Variants in BPTF observed in about 807,000 individuals in gnomAD.
BPTF encodes the protein nucleosome-remodeling factor subunit BPTF.
BPTF carries 18 observed loss-of-function variants against 292.5 expected under a neutral mutation model. The ratio of observed to expected loss-of-function variants is 0.06; its 90% CI spans 0.04 to 0.09. BPTF has a LOEUF of 0.09. BPTF is among the 10% of genes least tolerant of loss of function. BPTF has a pLI of 1.00. For missense variants in BPTF, 2,726 were observed against 3,498.7 expected (o/e 0.78, Z 5.57); for synonymous variants, 1,225 against 1,251.9 (o/e 0.98, Z 0.45).
intron 24 of BPTF, among the ~76,000 whole-genome samples, chr17:67,962,367 TAC>T (rs2067597039): frequency 1.3e-5 from 2 of 152,230 alleles, no homozygotes; most frequent in African/African-American, 4.8e-5. Flanking sequence ...ATGGTGTTCC[TAC>T]ACAGTGCCTA....
chr17:67,875,439 G>A (rs769753272), intron 4 of BPTF: 37 of 635,370 alleles, frequency 5.8e-5, no homozygotes, highest in Non-Finnish European at 8.7e-5. Flanking sequence ...GCTTTAAAAT[G>A]GCCGTTCAAT....
Position 67,854,003 on chromosome 17 carries a change from C to T in BPTF, c.677C>T (p.Pro226Leu), listed in dbSNP as rs1350299562. ...SPILEEKDIP[P>L]LEFPKSSEDL... Reference sequence around the variant, plus strand: ...ATATTGGAAGAAAAAGACATCCCGCCCCTTGAATTTCCCAAGTCCTCTGAG... The same window carrying T: ...ATATTGGAAGAAAAAGACATCCCGCTCCTTGAATTTCCCAAGTCCTCTGAG... Residue 226 changes from proline (P) to leucine (L), a missense_variant, in exon 2 of 28, where the codon CCC becomes CTC. By Grantham distance (98) the Pro-to-Leu change is moderately conservative. Transcript: ENST00000306378. This position sits in a 1 kb window ranked among gnomAD's most constrained non-coding sequence, Gnocchi z 5.6. 6 of 1,614,126 alleles carry T rather than the reference C, an allele frequency of 3.7e-6. No homozygotes were observed. Among genetic ancestry groups the T allele is most frequent in the South Asian group, 1.1e-5 (1 of 91,082 alleles).
intron 18 of BPTF, among the ~76,000 whole-genome samples, chr17:67,937,316 G>GC (rs1598778081): frequency 6.6e-6 from 1 of 151,624 alleles, no homozygotes; most frequent in African/African-American, 2.4e-5. Context: ...AATTAGCTGG[G>GC]CATCATGGTT....
intron 27 of BPTF, among the ~76,000 whole-genome samples, chr17:67,977,440 G>C (rs1222403768): frequency 2.0e-5 from 3 of 151,974 alleles, no homozygotes; most frequent in Non-Finnish European, 4.4e-5. Flanking sequence ...GCTTGAACCC[G>C]GGAGGCACAG....
chr17:67,905,526 G>A (rs2146698885), intron 9 of BPTF, among the ~76,000 whole-genome samples: 1 of 151,910 alleles, frequency 6.6e-6, no homozygotes, highest in Non-Finnish European at 1.5e-5. Flanking sequence ...GGGCAACATA[G>A]CAAGACCCCA....
chr17:67,915,082 T>A (rs1432199497), intron 11 of BPTF, among the ~76,000 whole-genome samples: 1 of 152,126 alleles, frequency 6.6e-6, no homozygotes, highest in Non-Finnish European at 1.5e-5. Flanking sequence ...ATAGAATACA[T>A]CTGATGGTTA....
At chr17:67,954,267 A>C (rs1555679940) in intron 23 of BPTF, among the ~76,000 whole-genome samples, 1 of 151,996 alleles carries the variant, frequency 6.6e-6, no homozygotes, top group Non-Finnish European at 1.5e-5. Flanking sequence ...GGGCTCAAGC[A>C]AGTGATCCTC....
At chr17:67,872,300 A>G (rs553676254) in intron 3 of BPTF, among the ~76,000 whole-genome samples, 40 of 152,306 alleles carry the variant, frequency 2.6e-4, no homozygotes, top group Non-Finnish European at 4.7e-4. Context: ...AACCAATTTA[A>G]ATGGTCTAAA....
chr17:67,839,140 GA>G (rs903832593), intron 1 of BPTF, among the ~76,000 whole-genome samples: 13 of 149,884 alleles, frequency 8.7e-5, no homozygotes, highest in South Asian at 6.3e-4. Flanking sequence ...AAAAAAAAAA[GA>G]AAAAAAAGAA....
At chr17:67,908,733 C>T (rs983907737) in intron 9 of BPTF, among the ~76,000 whole-genome samples, 57 of 149,230 alleles carry the variant, frequency 3.8e-4, no homozygotes, top group African/African-American at 1.1e-3. Flanking sequence ...TCAAGTGATC[C>T]GCCCACCTTG....
chr17:67,864,930 G>A (rs1459044248), intron 2 of BPTF, among the ~76,000 whole-genome samples: 3 of 151,940 alleles, frequency 2.0e-5, no homozygotes, highest in African/African-American at 7.3e-5. Flanking sequence ...TCAGGCTCCC[G>A]GGTAGCTGAG....
At chr17:67,905,767 C>G (rs2062143456) in intron 9 of BPTF, among the ~76,000 whole-genome samples, 1 of 151,956 alleles carries the variant, frequency 6.6e-6, no homozygotes, top group African/African-American at 2.4e-5. Context: ...ATCTAGTAAC[C>G]TTAGCATTGT....
In BPTF at chr17:67,935,703, A is replaced by G. The variant is rs141726964; in HGVS notation, c.6259+3684A>G. Among the ~76,000 whole-genome samples, 157 of 152,282 alleles carry G rather than the reference A, an allele frequency of 1.0e-3. 1 individual carries two copies. Among genetic ancestry groups the G allele is most frequent in the African/African-American group, 3.6e-3 (149 of 41,548 alleles). On this transcript the variant is annotated intron_variant, in intron 18 of 27. Transcript: ENST00000306378. ...AAACCCTGTCTCTACTAAAAATGCAAAAATTAACTGGGAATGTTGACAGAT... is the reference window on the plus strand; with the variant it reads ...AAACCCTGTCTCTACTAAAAATGCAGAAATTAACTGGGAATGTTGACAGAT...
intron 1 of BPTF, among the ~76,000 whole-genome samples, chr17:67,836,345 A>G (rs567452609): frequency 6.6e-6 from 1 of 152,328 alleles, no homozygotes; most frequent in Non-Finnish European, 1.5e-5. Flanking sequence ...TATATATTTT[A>G]CTAGAAATAT....
At chr17:67,869,758 C>T (rs1195786190) in intron 3 of BPTF, among the ~76,000 whole-genome samples, 10 of 145,018 alleles carry the variant, frequency 6.9e-5, no homozygotes, top group South Asian at 2.2e-4. Context: ...CTGAGGCGGG[C>T]GGATCACGAG....
At chr17:67,951,024 G>A (rs542791525) in intron 23 of BPTF, 1 of 152,020 alleles carries the variant, frequency 6.6e-6, no homozygotes, top group African/African-American at 2.4e-5. Flanking sequence ...TGTCAGGCTG[G>A]TCTCGAACTC....
At chr17:67,893,779 A>T in intron 6 of BPTF, 54 bp downstream of exon 6, 1 of 1,365,382 alleles carries the variant, frequency 7.3e-7, no homozygotes, top group Admixed American at 2.2e-5. Flanking sequence ...TGTTTATAAA[A>T]TGATTGTTGT....
chr17:67,927,973 G>T (rs1447068428), intron 15 of BPTF, among the ~76,000 whole-genome samples: 5 of 151,604 alleles, frequency 3.3e-5, no homozygotes, highest in African/African-American at 1.2e-4. Flanking sequence ...AACCTCTGCC[G>T]CCTGGGTTCA....
intron 1 of BPTF, among the ~76,000 whole-genome samples, chr17:67,849,163 C>G (rs952488552): frequency 9.2e-5 from 14 of 152,160 alleles, no homozygotes; most frequent in Non-Finnish European, 1.6e-4. Context: ...TGCCGCACAT[C>G]AGAATCATTT....
Sources: gnomAD v4.1 joint callset for allele counts (sites outside exome capture counted in the v4.1 genomes callset) on GRCh38, gnomAD v4.1.1 for gene constraint, Gnocchi (gnomAD v3.1) non-coding constraint, MANE v1.5 for transcripts, NCBI Gene and HGNC (gene_info 2026-07-23, HGNC 2026-07-21) for gene names.